RUNDC3B: variants seen among roughly 807,000 people sequenced by gnomAD.
RUNDC3B encodes the protein RUN domain containing 3B, also known as RUN domain-containing protein 3B.
RUNDC3B carries 33 observed loss-of-function variants against 58.4 expected under a neutral mutation model. That is an observed-to-expected ratio of 0.56 (90% CI 0.43 to 0.75). The LOEUF is 0.75. Among genes scored for constraint, RUNDC3B ranks in the 30% least tolerant of loss-of-function variants. The pLI is 0.00. For synonymous variants in RUNDC3B, 193 were observed against 195.2 expected (o/e 0.99, Z 0.10); for missense variants, 501 against 535.7 (o/e 0.94, Z 0.64).
chr7:87,780,471 AT>A (rs1308156333), intron 8 of RUNDC3B, among the ~76,000 whole-genome samples: 1 of 151,652 alleles, frequency 6.6e-6, no homozygotes, highest in Non-Finnish European at 1.5e-5. Context: ...TTTCTTGTTG[AT>A]TTAAGTTCCT....
Position 87,632,470 on chromosome 7 carries a change from T to A in RUNDC3B, c.122+3525T>A, listed in dbSNP as rs192621191. Among the ~76,000 whole-genome samples the A allele has an allele frequency of 6.6e-5, 10 of 152,302 alleles. No individual in the cohort carries two copies. The East Asian group carries it at 1.7e-3, about 26-fold the overall frequency. ...CCTTATTTCATCAGATAAGTACTGT[T>A]TTTTCATATTTTTCACAGATTTTGG... On this transcript the variant is annotated intron_variant, in intron 1 of 10. Coordinates refer to ENST00000394654, the MANE Select transcript of RUNDC3B (RefSeq NM_001134405.2).
At chr7:87,694,153 T>A in intron 2 of RUNDC3B, 1 of 481,536 alleles carries the variant, frequency 2.1e-6, no homozygotes, top group South Asian at 8.9e-5. Flanking sequence ...ATTTTAAAAT[T>A]AAAATCTTGT....
chr7:87,674,313 G>A (rs1826112039), intron 2 of RUNDC3B, among the ~76,000 whole-genome samples: 1 of 152,132 alleles, frequency 6.6e-6, no homozygotes, highest in Non-Finnish European at 1.5e-5. Context: ...GGGGGTACTG[G>A]CATCCATGCA....
chr7:87,757,278 A>G (rs945967674), intron 6 of RUNDC3B, among the ~76,000 whole-genome samples: 2 of 152,118 alleles, frequency 1.3e-5, no homozygotes, highest in African/African-American at 4.8e-5. Flanking sequence ...TTTACTTTCT[A>G]TAAATGGAAA....
intron 2 of RUNDC3B, among the ~76,000 whole-genome samples, chr7:87,651,466 T>C (rs1339257049): frequency 1.3e-5 from 2 of 152,136 alleles, no homozygotes; most frequent in African/African-American, 4.8e-5. Flanking sequence ...CTCTGAATTT[T>C]AGATTCTTTA....
intron 8 of RUNDC3B, among the ~76,000 whole-genome samples, chr7:87,802,565 A>G (rs956366358): frequency 2.2e-4 from 33 of 152,212 alleles, no homozygotes; most frequent in African/African-American, 8.0e-4. Context: ...CCAAAAGAGT[A>G]TTATCAGATT....
chr7:87,830,144 A>G lies in RUNDC3B; in HGVS notation c.*114A>G. On this transcript the variant is annotated 3_prime_UTR_variant, in exon 11 of 11. Transcript: ENST00000394654. ...TGTTCTGGTACATGTCTGAAATTCT[A>G]TTGCTTGGAGAGAATCCCCTCCAGA... 1 of 503,960 alleles carries G rather than the reference A, an allele frequency of 2.0e-6. No homozygotes were observed. Among genetic ancestry groups the G allele is most frequent in the Non-Finnish European group, 3.3e-6 (1 of 305,724 alleles). 31.2% of individuals were successfully genotyped at this position (503,960 alleles called of 1,614,324 possible). A position where few individuals can be genotyped will look rare whatever the true frequency, so the allele number is the denominator to read the frequency against.
At chr7:87,769,675 G>A (rs1363370429) in intron 6 of RUNDC3B, among the ~76,000 whole-genome samples, 1 of 151,448 alleles carries the variant, frequency 6.6e-6, no homozygotes, top group Admixed American at 6.6e-5. Context: ...TGGGATACAT[G>A]TGCAGAACGT....
rs1477385511 is a variant in RUNDC3B, at chr7:87,647,447, A to G, written c.123-3375A>G. The stretch of plus-strand genomic sequence containing the variant: ...CAGTAATATAATCTAATTGTCTTCT[A>G]TTAAACACATTAAAGATATTTGCAA... On this transcript the variant is annotated intron_variant, in intron 1 of 10. Coordinates refer to ENST00000394654, the MANE Select transcript of RUNDC3B (RefSeq NM_001134405.2). Among the ~76,000 whole-genome samples, 5 of 152,334 alleles carry G rather than the reference A, an allele frequency of 3.3e-5. No homozygotes were observed. The East Asian group carries it at 5.8e-4, about 18-fold the overall frequency.
chr7:87,710,861 C>A (rs1830009040), intron 4 of RUNDC3B, among the ~76,000 whole-genome samples: 1 of 152,176 alleles, frequency 6.6e-6, no homozygotes. Flanking sequence ...AAAAGATACA[C>A]ATTACGCCTG....
chr7:87,805,476 G>A (rs1461233735), intron 8 of RUNDC3B, among the ~76,000 whole-genome samples: 1 of 152,132 alleles, frequency 6.6e-6, no homozygotes, highest in Non-Finnish European at 1.5e-5. Context: ...CTGTTTCAGA[G>A]GACCAGGCAG....
chr7:87,629,972 T>A (rs1821042747), intron 1 of RUNDC3B, among the ~76,000 whole-genome samples: 1 of 151,868 alleles, frequency 6.6e-6, no homozygotes, highest in Non-Finnish European at 1.5e-5. Flanking sequence ...CAGAGATAAC[T>A]GGTTTTTAAC....
chr7:87,810,791 T>C (rs1333651428), intron 9 of RUNDC3B, among the ~76,000 whole-genome samples: 2 of 152,174 alleles, frequency 1.3e-5, no homozygotes, highest in African/African-American at 4.8e-5. Flanking sequence ...TTTCCTATAT[T>C]TCAAACATGA....
chr7:87,732,984 A>G (rs1222266426), intron 4 of RUNDC3B, among the ~76,000 whole-genome samples: 1 of 152,236 alleles, frequency 6.6e-6, no homozygotes, highest in Non-Finnish European at 1.5e-5. Context: ...AGCTGGTTAC[A>G]AACAATCCAT....
At position 87,628,840 on chromosome 7, in the gene RUNDC3B, TG is replaced by T. The variant is rs1554445885; in HGVS notation, c.23del (p.Gly8AlafsTer2). 10 of 1,262,314 alleles carry T rather than the reference TG, an allele frequency of 7.9e-6. No homozygotes were observed. The highest frequency in any genetic ancestry group is 4.0e-5 in the Admixed American group (1 of 25,124). The allele number at this position is 1,262,314 out of a possible 1,614,324, so 78.2% of individuals were successfully genotyped here. On this transcript the variant is annotated frameshift_variant, in exon 1 of 11. Coordinates refer to ENST00000394654, the MANE Select transcript of RUNDC3B (RefSeq NM_001134405.2). LOFTEE classifies it high-confidence loss of function. The stretch of plus-strand genomic sequence containing the variant: ...AAGCCCGCCATGGCCTCCCGGAGCC[TG>T]GGGGGCCTGAGCGGGATCCGCGGCG... MASRS[L>X]GGLSGIRGGG...
chr7:87,732,269 T>C (rs1831627315), intron 4 of RUNDC3B, among the ~76,000 whole-genome samples: 1 of 152,142 alleles, frequency 6.6e-6, no homozygotes, highest in Admixed American at 6.5e-5. Flanking sequence ...GTACTTAGAA[T>C]GTTTATAGCA....
chr7:87,819,068 G>A (rs1837250497), intron 10 of RUNDC3B, among the ~76,000 whole-genome samples: 1 of 152,148 alleles, frequency 6.6e-6, no homozygotes, highest in African/African-American at 2.4e-5. Flanking sequence ...CAGACACACA[G>A]ATATTCTGCT....
chr7:87,765,213 T>C (rs993732960), intron 6 of RUNDC3B, among the ~76,000 whole-genome samples: 1 of 151,932 alleles, frequency 6.6e-6, no homozygotes, highest in Non-Finnish European at 1.5e-5. Context: ...TAGCTAGTGG[T>C]CTATTAATTT....
chr7:87,694,162 G>A (rs1022406212), intron 2 of RUNDC3B: 17 of 435,704 alleles, frequency 3.9e-5, no homozygotes, highest in South Asian at 9.6e-5. Flanking sequence ...TTAAAATCTT[G>A]TAAATCCACA....
Sources: allele counts gnomAD v4.1 joint callset (sites outside exome capture counted in the v4.1 genomes callset), GRCh38; gene constraint gnomAD v4.1.1; transcripts MANE v1.5; gene names NCBI Gene and HGNC (gene_info 2026-07-23, HGNC 2026-07-21).